The following NLGN1 variants were observed in gnomAD, a reference collection of about 807,000 sequenced individuals.
NLGN1 encodes the protein neuroligin 1, also known as neuroligin-1.
A neutral mutation model predicts 65.5 loss-of-function variants in NLGN1; 12 were observed. The ratio of observed to expected loss-of-function variants is 0.18; its 90% CI spans 0.12 to 0.30. The LOEUF (loss-of-function observed/expected upper bound fraction) is 0.30. Ranked by LOEUF, NLGN1 falls within the 10% of genes least tolerant of loss-of-function variation. NLGN1 has a pLI of 1.00. For missense variants in NLGN1, 750 were observed against 1,007.1 expected (o/e 0.74, Z 3.46); for synonymous variants, 350 against 359.5 (o/e 0.97, Z 0.30).
intron 1 of NLGN1, among the ~76,000 whole-genome samples, chr3:173,422,166 C>CACACAT (rs1715218999): frequency 6.6e-6 from 1 of 151,942 alleles, no homozygotes; most frequent in African/African-American, 2.4e-5. Context: ...CACACACATA[C>CACACAT]ACACAATGGA....
rs1745191549 is a variant in NLGN1 at position 174,253,855 on chromosome 3, T to A, written c.647-21460T>A. On this transcript the variant is annotated intron_variant, in intron 4 of 6. Transcript: ENST00000457714. ...AACCCTAGGAAAACTTTTGAAAAATTTCTCTAACTGAAGGCCAAGTTACAT... is the reference window on the plus strand; with the variant it reads ...AACCCTAGGAAAACTTTTGAAAAATATCTCTAACTGAAGGCCAAGTTACAT... Among the ~76,000 whole-genome samples, 5 of 152,258 alleles carry A rather than the reference T, an allele frequency of 3.3e-5. No homozygotes were observed. The South Asian group carries it at 1.0e-3, about 32-fold the overall frequency.
At chr3:173,971,269 C>A (rs1327394685) in intron 4 of NLGN1, among the ~76,000 whole-genome samples, 1 of 151,974 alleles carries the variant, frequency 6.6e-6, no homozygotes, top group East Asian at 1.9e-4. Flanking sequence ...AATGAGATGT[C>A]GGTTGTGATA....
rs80112150 is a variant in NLGN1 at position 173,529,185 on chromosome 3, G to T, written c.-320-75094G>T. On this transcript the variant is annotated intron_variant, in intron 2 of 6. Coordinates refer to ENST00000457714, the Ensembl canonical transcript of NLGN1. ...CAGTATGTTAGGTAGGGGCCTTTTG[G>T]CTTTGCTTCTATGGTCCTGTGCACT... Among the ~76,000 whole-genome samples the T allele has an allele frequency of 5.3e-3, 801 of 152,242 alleles. 19 individuals carry two copies. The South Asian group carries it at 0.054, about 10-fold the overall frequency.
chr3:173,659,409 T>A (rs1760582134), intron 3 of NLGN1, among the ~76,000 whole-genome samples: 1 of 151,954 alleles, frequency 6.6e-6, no homozygotes, highest in Non-Finnish European at 1.5e-5. Context: ...AGTGTCCAAC[T>A]CTTTGTGACA....
At chr3:173,874,312 T>G (rs1731726370) in intron 4 of NLGN1, among the ~76,000 whole-genome samples, 1 of 152,208 alleles carries the variant, frequency 6.6e-6, no homozygotes, top group Non-Finnish European at 1.5e-5. Context: ...TTAGGCGGTC[T>G]GATGAATCCT....
intron 1 of NLGN1, among the ~76,000 whole-genome samples, chr3:173,429,711 C>A (rs1262241492): frequency 6.6e-6 from 1 of 152,186 alleles, no homozygotes; most frequent in African/African-American, 2.4e-5. Flanking sequence ...CTTTTCTGCA[C>A]TAGATGACAC....
intron 4 of NLGN1, among the ~76,000 whole-genome samples, chr3:174,090,920 A>G (rs550739076): frequency 6.6e-6 from 1 of 152,138 alleles, no homozygotes; most frequent in Non-Finnish European, 1.5e-5. Context: ...CTAAACTAAG[A>G]GTAGTAATTT....
intron 3 of NLGN1, among the ~76,000 whole-genome samples, chr3:173,735,374 C>G (rs1773581394): frequency 6.6e-6 from 1 of 152,016 alleles, no homozygotes; most frequent in Non-Finnish European, 1.5e-5. Flanking sequence ...CATCTTTGGC[C>G]ACTTGAATTT....
Position 173,493,380 on chromosome 3 carries a change from A to G in NLGN1, c.-321+58302A>G, listed in dbSNP as rs531613625. ...GAAAATGGCCTAATTTCAGCAAGCA[A>G]TAATGAACTGCAGTTTGTGTTAATC... On this transcript the variant is annotated intron_variant, in intron 2 of 6. Transcript: ENST00000457714. 3.9e-5 allele frequency among the ~76,000 whole-genome samples: 6 copies of G among 151,998 alleles called. No individual in the cohort carries two copies. The East Asian group carries it at 9.6e-4, about 24-fold the overall frequency.
At chr3:174,000,017 G>A (rs931235173) in intron 4 of NLGN1, among the ~76,000 whole-genome samples, 2 of 151,702 alleles carry the variant, frequency 1.3e-5, no homozygotes, top group East Asian at 3.9e-4. Context: ...TCAAAGCAAA[G>A]AATCATAATA....
chr3:174,108,631 C>T (rs1714515045), intron 4 of NLGN1, among the ~76,000 whole-genome samples: 1 of 151,954 alleles, frequency 6.6e-6, no homozygotes, highest in African/African-American at 2.4e-5. Flanking sequence ...AGCCAAGGAA[C>T]AGGGTAGGGG....
At chr3:173,656,055 T>G (rs188934879) in intron 3 of NLGN1, among the ~76,000 whole-genome samples, 6 of 152,152 alleles carry the variant, frequency 3.9e-5, no homozygotes, top group Non-Finnish European at 8.8e-5. Context: ...GGTTACTTGA[T>G]GTACACCCTA....
chr3:174,000,959 C>T (rs1222415656), intron 4 of NLGN1, among the ~76,000 whole-genome samples: 2 of 152,144 alleles, frequency 1.3e-5, no homozygotes, highest in African/African-American at 2.4e-5. Flanking sequence ...CAGTCAAGGA[C>T]TCCATGTGTA....
intron 4 of NLGN1, among the ~76,000 whole-genome samples, chr3:173,856,791 A>C (rs1728061527): frequency 6.6e-6 from 1 of 152,140 alleles, no homozygotes; most frequent in South Asian, 2.1e-4. Flanking sequence ...GAACAGCACA[A>C]GGCTTAAAAT....
chr3:173,441,936 C>T (rs901877870), intron 2 of NLGN1, among the ~76,000 whole-genome samples: 9 of 152,114 alleles, frequency 5.9e-5, no homozygotes, highest in Non-Finnish European at 1.0e-4. Flanking sequence ...GATGTAAATT[C>T]CTGGTTGCCT....
chr3:174,104,088 G>A (rs1246537668), intron 4 of NLGN1, among the ~76,000 whole-genome samples: 1 of 151,926 alleles, frequency 6.6e-6, no homozygotes, highest in East Asian at 1.9e-4. Context: ...TCATTTCGCA[G>A]TCTTTTGCAG....
chr3:174,281,124 G>A (rs1185014713), exon 7 of NLGN1: 1 of 1,613,340 alleles, frequency 6.2e-7, no homozygotes, highest in African/African-American at 1.3e-5. Flanking sequence ...TTACACACTA[G>A]CTATGAGGAG....
intron 2 of NLGN1, among the ~76,000 whole-genome samples, chr3:173,505,368 A>G (rs1438148666): frequency 1.3e-5 from 2 of 152,022 alleles, no homozygotes; most frequent in Non-Finnish European, 2.9e-5. Context: ...ACCAAAGCAA[A>G]CTTTTGAGAA....
intron 4 of NLGN1, among the ~76,000 whole-genome samples, chr3:173,837,391 A>G (rs1723848303): frequency 6.6e-6 from 1 of 152,190 alleles, no homozygotes; most frequent in Non-Finnish European, 1.5e-5. Context: ...TATAGAATAA[A>G]GGAAAATATG....
Sources: gnomAD v4.1 joint callset for allele counts (sites outside exome capture counted in the v4.1 genomes callset) on GRCh38, gnomAD v4.1.1 for gene constraint, MANE v1.5 for transcripts, NCBI Gene and HGNC (gene_info 2026-07-23, HGNC 2026-07-21) for gene names.